ZBTB8OS: variants seen among roughly 807,000 people sequenced by gnomAD.
The protein encoded by ZBTB8OS is tRNA splicing ligase complex subunit 1, also known as tRNA-splicing ligase-activating factor archease.
Under a neutral mutation model 29.3 loss-of-function variants are expected in ZBTB8OS, and 16 were observed. That is an observed-to-expected ratio of 0.55 (90% CI 0.37 to 0.83). The LOEUF (loss-of-function observed/expected upper bound fraction) is 0.83. Among genes scored for constraint, ZBTB8OS ranks in the 40% least tolerant of loss-of-function variants. The pLI, the probability that ZBTB8OS is intolerant of heterozygous loss-of-function variation, is 0.00. For synonymous variants in ZBTB8OS, 70 were observed against 64.6 expected (o/e 1.08, Z -0.40); for missense variants, 160 against 196.9 (o/e 0.81, Z 1.12).
At chr1:32,625,047 A>C (rs1338785387) in intron 6 of ZBTB8OS, among the ~76,000 whole-genome samples, 5 of 151,576 alleles carry the variant, frequency 3.3e-5, no homozygotes, top group Admixed American at 2.0e-4. Flanking sequence ...AACATGGTGA[A>C]ACCCAGTCTC....
intron 1 of ZBTB8OS, among the ~76,000 whole-genome samples, chr1:32,646,210 T>C (rs2148469242): frequency 6.6e-6 from 1 of 151,862 alleles, no homozygotes; most frequent in Non-Finnish European, 1.5e-5. Flanking sequence ...TCCCAGCTAC[T>C]CAAGAGGCTG....
At chr1:32,630,343 G>C (rs1645450588) in intron 5 of ZBTB8OS, among the ~76,000 whole-genome samples, 1 of 151,942 alleles carries the variant, frequency 6.6e-6, no homozygotes, top group Admixed American at 6.5e-5. Flanking sequence ...AGCGAGCCAA[G>C]ACTGCACCAC....
Position 32,634,001 on chromosome 1 carries a change from G to A in ZBTB8OS, c.194C>T (p.Thr65Ile). 1 of 1,599,720 alleles carries A rather than the reference G, an allele frequency of 6.3e-7. No individual in the cohort carries two copies. The highest frequency in any genetic ancestry group is 8.5e-7 in the Non-Finnish European group (1 of 1,176,824). ...QCAMAMFGYM[T>I]DTGTVEPLQT... Reference sequence around the variant, plus strand: ...GAGGGGCTCCACTGTCCCAGTATCTGTCATGTAACCAAACATGGCCATTGC... The same window carrying A: ...GAGGGGCTCCACTGTCCCAGTATCTATCATGTAACCAAACATGGCCATTGC... The change falls in exon 3 of 7, where the codon ACA becomes ATA. Residue 65 changes from threonine to isoleucine, a missense_variant. Thr to Ile is a moderately conservative substitution (Grantham distance 89). Coordinates refer to ENST00000468695, the MANE Select transcript of ZBTB8OS (RefSeq NM_178547.5).
intron 1 of ZBTB8OS, among the ~76,000 whole-genome samples, chr1:32,635,290 T>C (rs1198637846): frequency 2.0e-5 from 3 of 151,520 alleles, no homozygotes; most frequent in African/African-American, 7.3e-5. Context: ...TTTTTTTTTT[T>C]AGTTGGAGTT....
intron 5 of ZBTB8OS, among the ~76,000 whole-genome samples, chr1:32,630,609 G>T (rs1355039538): frequency 1.3e-5 from 2 of 152,016 alleles, no homozygotes; most frequent in Non-Finnish European, 2.9e-5. Flanking sequence ...GGGCGTGGTG[G>T]TATGCACCTG....
intron 1 of ZBTB8OS, among the ~76,000 whole-genome samples, chr1:32,643,435 C>T (rs1646590671): frequency 6.6e-6 from 1 of 151,662 alleles, no homozygotes; most frequent in South Asian, 2.1e-4. Flanking sequence ...CACTGTCTAC[C>T]AAGGTGGAGT....
At chr1:32,650,270 C>T (rs1647254689) in intron 1 of ZBTB8OS, 163 bp downstream of exon 1, 1 of 934,196 alleles carries the variant, frequency 1.1e-6, no homozygotes, top group Non-Finnish European at 1.6e-6. Flanking sequence ...TTTCCTTCAG[C>T]ATCCCCAGGA....
upstream of ZBTB8OS, chr1:32,650,563 C>A (rs1647374961): frequency 6.2e-7 from 1 of 1,613,940 alleles, no homozygotes; most frequent in Non-Finnish European, 8.5e-7. Context: ...TTCCGCCCTT[C>A]ATCCACCGGA....
Position 32,631,863 on chromosome 1 carries a change from C to T in ZBTB8OS, c.344G>A (p.Ser115Asn). The T allele has an allele frequency of 3.8e-6, 6 of 1,589,538 alleles. No individual in the cohort carries two copies. The highest frequency in any genetic ancestry group is 5.1e-6 in the Non-Finnish European group (6 of 1,168,474). ...FFIPREVKVL[S>N]IDQRNFKLRS... ...TAATTTGAAATTTCTTTGATCAATG[C>T]TAAGTACTTTCACTTCCTAGACAGG... Residue 115 changes from serine to asparagine, a missense_variant, in exon 5 of 7, where the codon AGC becomes AAC. Transcript: ENST00000468695.
At chr1:32,649,309 T>C (rs1211797862) in intron 1 of ZBTB8OS, among the ~76,000 whole-genome samples, 2 of 151,960 alleles carry the variant, frequency 1.3e-5, no homozygotes, top group Non-Finnish European at 2.9e-5. Context: ...GAAGGGGATA[T>C]GCTAGGAGGT....
chr1:32,650,342 G>T lies in ZBTB8OS; in HGVS notation c.97+91C>A. The T allele has an allele frequency of 7.2e-6, 11 of 1,523,578 alleles. No individual in the cohort carries two copies. In the South Asian group the frequency reaches 1.2e-4, roughly 17 times the overall value. 94.4% of individuals were successfully genotyped at this position (1,523,578 alleles called of 1,614,324 possible). On this transcript the variant is annotated intron_variant, in intron 1 of 6. Transcript: ENST00000468695. ...GGATCATGCCTGAAGTACCCATGGGGCACAGTAGAAAGAGCAGCAGGAAGC... is the reference window on the plus strand; with the variant it reads ...GGATCATGCCTGAAGTACCCATGGGTCACAGTAGAAAGAGCAGCAGGAAGC...
chr1:32,624,482 G>A (rs771454176), intron 6 of ZBTB8OS, among the ~76,000 whole-genome samples: 1 of 152,214 alleles, frequency 6.6e-6, no homozygotes, highest in Non-Finnish European at 1.5e-5. Flanking sequence ...GATGGCATAT[G>A]GATTCATGGA....
intron 6 of ZBTB8OS, among the ~76,000 whole-genome samples, chr1:32,625,239 T>G (rs528419147): frequency 2.2e-5 from 3 of 133,728 alleles, no homozygotes; most frequent in Non-Finnish European, 4.8e-5. Flanking sequence ...AAAGAAAGAA[T>G]AATAATAATA....
At chr1:32,644,364 T>C (rs1405837101) in intron 1 of ZBTB8OS, among the ~76,000 whole-genome samples, 1 of 151,966 alleles carries the variant, frequency 6.6e-6, no homozygotes, top group African/African-American at 2.4e-5. Context: ...CTGGCTCTCT[T>C]AGCTAAGGGA....
upstream of ZBTB8OS, chr1:32,650,784 C>G (rs1647438156): frequency 8.4e-6 from 5 of 594,870 alleles, no homozygotes; most frequent in East Asian, 1.5e-4. Flanking sequence ...TTGAAGGGCA[C>G]CTTGAATGAA....
At chr1:32,631,997 T>A (rs1416505172) in intron 4 of ZBTB8OS, 118 bp from the exon 5 acceptor site, 1 of 357,724 alleles carries the variant, frequency 2.8e-6, no homozygotes, top group East Asian at 5.5e-5. Flanking sequence ...AAAACCTTTT[T>A]TTTTTTTTTT....
At chr1:32,624,081 T>TC (rs1363057119) in intron 6 of ZBTB8OS, among the ~76,000 whole-genome samples, 1 of 152,000 alleles carries the variant, frequency 6.6e-6, no homozygotes, top group Non-Finnish European at 1.5e-5. Context: ...AGGGTTTGCT[T>TC]CCCCCTCCAC....
intron 6 of ZBTB8OS, 64 bp downstream of exon 6, chr1:32,627,440 TGTCA>T: frequency 7.2e-7 from 1 of 1,393,774 alleles, no homozygotes; most frequent in Non-Finnish European, 1.0e-6. Context: ...TGAAGTTGAT[TGTCA>T]CATATATGAA....
rs1439056004 is a variant in ZBTB8OS at position 32,621,182 on chromosome 1, C to A, written c.*680G>T. On this transcript the variant is annotated 3_prime_UTR_variant, in exon 7 of 7. Transcript: ENST00000468695. ...TTGGGAGGCCAAGGTGGGCGGATCA[C>A]AAGGTCAGGAGATCAAGACCATCCT... is the stretch of plus-strand genomic sequence containing the variant. The A allele has an allele frequency of 6.6e-6, 1 of 152,096 alleles. No individual in the cohort carries two copies. The highest frequency in any genetic ancestry group is 1.9e-4 in the East Asian group (1 of 5,178). 9.4% of individuals were successfully genotyped at this position (152,096 alleles called of 1,614,324 possible).
Sources: gnomAD v4.1 joint callset for allele counts (sites outside exome capture counted in the v4.1 genomes callset) on GRCh38, gnomAD v4.1.1 for gene constraint, MANE v1.5 for transcripts, NCBI Gene and HGNC (gene_info 2026-07-23, HGNC 2026-07-21) for gene names.